The following RALY variants were observed in gnomAD, a reference collection of about 807,000 sequenced individuals.
RALY encodes the protein RNA-binding protein Raly.
Under a neutral mutation model 30.7 loss-of-function variants are expected in RALY, and 15 were observed. The observed-to-expected ratio is 0.49, with a 90% CI of 0.33 to 0.75. The LOEUF (loss-of-function observed/expected upper bound fraction) is 0.75, where lower values mean the gene tolerates loss of function less well. Ranked by LOEUF, RALY falls within the 30% of genes least tolerant of loss-of-function variation. The pLI, the probability that RALY is intolerant of heterozygous loss-of-function variation, is 0.02. For synonymous variants in RALY, 177 were observed against 170.8 expected (o/e 1.04, Z -0.28); for missense variants, 339 against 414.3 (o/e 0.82, Z 1.58).
At chr20:33,994,563 C>T (rs889824552) in intron 1 of RALY, among the ~76,000 whole-genome samples, 4 of 152,258 alleles carry the variant, frequency 2.6e-5, no homozygotes, top group Non-Finnish European at 5.9e-5. Flanking sequence ...CTCTCCTAAC[C>T]CGGACTGGGT....
At chr20:34,007,916 T>TAA (rs1236333893) in intron 1 of RALY, among the ~76,000 whole-genome samples, 1 of 151,756 alleles carries the variant, frequency 6.6e-6, no homozygotes, top group East Asian at 1.9e-4. Flanking sequence ...ATGGTGTGGA[T>TAA]AATACCCATA....
intron 2 of RALY, among the ~76,000 whole-genome samples, chr20:34,032,849 T>C (rs910560507): frequency 6.6e-6 from 1 of 152,134 alleles, no homozygotes; most frequent in Non-Finnish European, 1.5e-5. Flanking sequence ...ATTTTTCTTA[T>C]AAAGTTCAAG....
chr20:34,073,540 C>A, intron 3 of RALY, 23 bp from the exon 4 acceptor site: 1 of 1,550,058 alleles, frequency 6.5e-7, no homozygotes, highest in Non-Finnish European at 8.9e-7. Flanking sequence ...AGCATTCCAA[C>A]TCTGCCTTCT....
At chr20:34,042,578 A>C (rs2032740408) in intron 2 of RALY, among the ~76,000 whole-genome samples, 1 of 152,180 alleles carries the variant, frequency 6.6e-6, no homozygotes, top group Non-Finnish European at 1.5e-5. Flanking sequence ...GTCAGGGCAT[A>C]ATTTTCATAC....
intron 2 of RALY, among the ~76,000 whole-genome samples, chr20:34,071,202 A>T (rs2033716328): frequency 6.6e-6 from 1 of 152,106 alleles, no homozygotes; most frequent in Non-Finnish European, 1.5e-5. Flanking sequence ...TCAAACCATT[A>T]TCGGGCTTAG....
intron 1 of RALY, among the ~76,000 whole-genome samples, chr20:34,028,036 G>C (rs2123082339): frequency 6.6e-6 from 1 of 152,132 alleles, no homozygotes; most frequent in Non-Finnish European, 1.5e-5. Flanking sequence ...TCACACCTGT[G>C]ATCCCAGCAC....
intron 2 of RALY, among the ~76,000 whole-genome samples, chr20:34,032,793 C>T (rs2032335379): frequency 1.3e-5 from 2 of 152,124 alleles, no homozygotes. Context: ...CATTGTTCTT[C>T]CAGACCTGAC....
intron 2 of RALY, among the ~76,000 whole-genome samples, chr20:34,056,620 G>C (rs183257898): frequency 1.7e-3 from 258 of 152,294 alleles, no homozygotes; most frequent in Non-Finnish European, 2.2e-3. Context: ...GGAACCTACA[G>C]TAACTTCATG....
chr20:34,062,049 C>T (rs1346103368), intron 2 of RALY, among the ~76,000 whole-genome samples: 2 of 152,112 alleles, frequency 1.3e-5, no homozygotes, highest in Non-Finnish European at 2.9e-5. Flanking sequence ...TTTTTATTCC[C>T]TAGATCATGC....
intron 1 of RALY, among the ~76,000 whole-genome samples, chr20:34,012,206 G>A (rs1173839075): frequency 3.9e-5 from 6 of 152,198 alleles, no homozygotes; most frequent in Non-Finnish European, 8.8e-5. Flanking sequence ...AGCCTGAGGT[G>A]GTTGGGAGAG....
At chr20:34,048,994 G>A (rs146672971) in intron 2 of RALY, 1 of 152,224 alleles carries the variant, frequency 6.6e-6, no homozygotes, top group Non-Finnish European at 1.5e-5. Flanking sequence ...ATGGAGGAAA[G>A]TAAATACCTG....
At chr20:34,062,750 T>C (rs974693769) in intron 2 of RALY, among the ~76,000 whole-genome samples, 2 of 152,232 alleles carry the variant, frequency 1.3e-5, no homozygotes, top group African/African-American at 2.4e-5. Flanking sequence ...ACAAACCCTT[T>C]GATGACTTTT....
chr20:34,010,720 G>A (rs2031363207), intron 1 of RALY, among the ~76,000 whole-genome samples: 1 of 152,180 alleles, frequency 6.6e-6, no homozygotes, highest in South Asian at 2.1e-4. Context: ...AGTAAGCTAA[G>A]TTCTTGTGAT....
intron 2 of RALY, among the ~76,000 whole-genome samples, chr20:34,058,550 A>G (rs148113911): frequency 1.5e-4 from 23 of 152,262 alleles, no homozygotes; most frequent in African/African-American, 3.4e-4. Context: ...ACTTGAGTCT[A>G]TCCTTTGGAG....
intron 8 of RALY, 198 bp downstream of exon 8, chr20:34,077,443 C>A: frequency 1.3e-5 from 16 of 1,254,356 alleles, no homozygotes; most frequent in Non-Finnish European, 1.7e-5. Flanking sequence ...ATCAGAAGTC[C>A]CACTGAGGCC....
chr20:34,072,009 G>A, intron 2 of RALY, 57 bp from the exon 3 acceptor site: 1 of 1,578,238 alleles, frequency 6.3e-7, no homozygotes. Flanking sequence ...TATGGGCCGT[G>A]GGCAGTCCTT....
chr20:34,057,964 C>G (rs889066860), intron 2 of RALY, among the ~76,000 whole-genome samples: 1 of 152,094 alleles, frequency 6.6e-6, no homozygotes, highest in Admixed American at 6.6e-5. Flanking sequence ...CTGTCTCTGT[C>G]CAAAGCCATG....
At chr20:34,003,934 C>T (rs550669944) in intron 1 of RALY, among the ~76,000 whole-genome samples, 95 of 152,298 alleles carry the variant, frequency 6.2e-4, no homozygotes, top group African/African-American at 2.0e-3. Context: ...CCACCGTGCC[C>T]GGCCTCCAAA....
At chr20:34,040,728 A>G (rs2032668567) in intron 2 of RALY, among the ~76,000 whole-genome samples, 1 of 152,224 alleles carries the variant, frequency 6.6e-6, no homozygotes, top group Admixed American at 6.5e-5. Context: ...TAACTCATTA[A>G]GCTATTAATA....
Sources: gnomAD v4.1 joint callset for allele counts (sites outside exome capture counted in the v4.1 genomes callset) on GRCh38, gnomAD v4.1.1 for gene constraint, MANE v1.5 for transcripts, NCBI Gene and HGNC (gene_info 2026-07-23, HGNC 2026-07-21) for gene names.